Variants in TXNRD1 observed in about 807,000 individuals in gnomAD.
TXNRD1 encodes thioredoxin reductase 1.
TXNRD1 carries 57 observed loss-of-function variants against 80.3 expected under a neutral mutation model. That is an observed-to-expected ratio of 0.71 (90% confidence interval 0.57 to 0.89). The LOEUF (loss-of-function observed/expected upper bound fraction) is 0.89, where lower values mean the gene tolerates loss of function less well. TXNRD1 is among the 40% of genes least tolerant of loss of function. The probability of loss-of-function intolerance (pLI) is 0.00; values close to 1 mark genes in which losing one functional copy is unlikely to be tolerated. For missense variants in TXNRD1, 730 were observed against 803.0 expected (o/e 0.91, Z 1.10); for synonymous variants, 291 against 285.2 (o/e 1.02, Z -0.20).
At chr12:104,347,916 T>C (rs2036545076) in intron 16 of TXNRD1, among the ~76,000 whole-genome samples, 1 of 151,530 alleles carries the variant, frequency 6.6e-6, no homozygotes, top group African/African-American at 2.4e-5. Flanking sequence ...ACAAGAGAAA[T>C]GCAGGAAGAA....
At chr12:104,338,996 G>A (rs1419736979) in intron 15 of TXNRD1, 143 bp from the exon 16 acceptor site, 20 of 1,090,570 alleles carry the variant, frequency 1.8e-5, no homozygotes, top group South Asian at 9.5e-5. Flanking sequence ...GATTACAGGC[G>A]TGAGCCACTG....
chr12:104,233,265 G>T (rs2032663242), intron 1 of TXNRD1, among the ~76,000 whole-genome samples: 1 of 152,152 alleles, frequency 6.6e-6, no homozygotes, highest in Admixed American at 6.5e-5. Context: ...GTTTTTAAAA[G>T]AAACTATTAT....
At chr12:104,318,727 G>T (rs1339338896) in intron 7 of TXNRD1, among the ~76,000 whole-genome samples, 186 bp from the exon 8 acceptor site, 1 of 152,184 alleles carries the variant, frequency 6.6e-6, no homozygotes, top group Non-Finnish European at 1.5e-5. Context: ...TTATTTAATT[G>T]TATTAGTCTT....
chr12:104,295,611 C>T (rs1475386114), intron 4 of TXNRD1, among the ~76,000 whole-genome samples: 1 of 152,160 alleles, frequency 6.6e-6, no homozygotes, highest in African/African-American at 2.4e-5. Context: ...ATATTTCTCC[C>T]TACAGTTTTC....
chr12:104,305,295 A>G (rs1435134786), intron 4 of TXNRD1: 1 of 161,126 alleles, frequency 6.2e-6, no homozygotes, highest in Admixed American at 6.4e-5. Context: ...TGTCATAGGG[A>G]ACCAAGAGAA....
chr12:104,245,517 CAAAAA>C (rs10622971), intron 1 of TXNRD1, among the ~76,000 whole-genome samples: 9 of 29,262 alleles, frequency 3.1e-4, no homozygotes, highest in East Asian at 1.7e-3. Flanking sequence ...AACTCCATCT[CAAAAA>C]AAAAAAAAAA....
At chr12:104,220,539 C>G (rs1342073272) in intron 1 of TXNRD1, among the ~76,000 whole-genome samples, 2 of 152,060 alleles carry the variant, frequency 1.3e-5, no homozygotes, top group African/African-American at 4.8e-5. Flanking sequence ...GTCTGGCCAA[C>G]ATGGTGAAAC....
chr12:104,286,917 G>A (rs1368215448), intron 3 of TXNRD1: 12 of 1,165,160 alleles, frequency 1.0e-5, no homozygotes, highest in East Asian at 5.7e-5. Context: ...GGCTGCACGA[G>A]GAGTGGATTT....
chr12:104,281,161 T>G (rs2033868077), intron 3 of TXNRD1, among the ~76,000 whole-genome samples: 1 of 152,164 alleles, frequency 6.6e-6, no homozygotes, highest in East Asian at 1.9e-4. Context: ...GTGTTCCTGC[T>G]TTTCATTGAA....
chr12:104,326,281 A>G, intron 11 of TXNRD1, 66 bp from the exon 12 acceptor site: 1 of 1,107,630 alleles, frequency 9.0e-7, no homozygotes, highest in South Asian at 1.5e-5. Context: ...GCAGAGAAAA[A>G]TATGATTAGG....
chr12:104,316,046 C>G, intron 7 of TXNRD1, 150 bp downstream of exon 7: 1 of 815,176 alleles, frequency 1.2e-6, no homozygotes, highest in Non-Finnish European at 1.8e-6. Context: ...CTGGAGTTAT[C>G]CTTTGTCAAG....
intron 1 of TXNRD1, among the ~76,000 whole-genome samples, chr12:104,246,734 G>T (rs1050336365): frequency 2.0e-5 from 3 of 151,770 alleles, no homozygotes; most frequent in African/African-American, 7.3e-5. Context: ...TGTTGACCAG[G>T]ATGGTCTCGA....
chr12:104,344,909 G>C (rs1051682872), intron 16 of TXNRD1, among the ~76,000 whole-genome samples: 1 of 152,292 alleles, frequency 6.6e-6, no homozygotes, highest in South Asian at 2.1e-4. Context: ...TCTTTTAGGG[G>C]TTCATAGGAG....
chr12:104,325,305 T>C, intron 10 of TXNRD1, 32 bp from the exon 11 acceptor site: 1 of 1,534,390 alleles, frequency 6.5e-7, no homozygotes, highest in East Asian at 2.3e-5. Flanking sequence ...TAAATGTCTT[T>C]ATTTCACAGT....
intron 15 of TXNRD1, among the ~76,000 whole-genome samples, chr12:104,338,858 A>T (rs760747536): frequency 2.0e-5 from 3 of 151,918 alleles, no homozygotes; most frequent in Non-Finnish European, 4.4e-5. Flanking sequence ...CTGGAACTAC[A>T]GGCACCCGCC....
At chr12:104,250,330 C>T (rs1276777660) in intron 1 of TXNRD1, among the ~76,000 whole-genome samples, 1 of 152,052 alleles carries the variant, frequency 6.6e-6, no homozygotes, top group Non-Finnish European at 1.5e-5. Flanking sequence ...ATCCTTGTGA[C>T]TTTGGAATAG....
chr12:104,279,365 A>G (rs1212938164), intron 3 of TXNRD1, among the ~76,000 whole-genome samples: 1 of 152,216 alleles, frequency 6.6e-6, no homozygotes, highest in Non-Finnish European at 1.5e-5. Context: ...TGGTTTTCCC[A>G]AGGAAAACCT....
intron 1 of TXNRD1, among the ~76,000 whole-genome samples, chr12:104,224,108 G>GT (rs1200284596): frequency 1.3e-5 from 2 of 152,064 alleles, no homozygotes; most frequent in Admixed American, 6.6e-5. Flanking sequence ...TGTGGCACAA[G>GT]TTTTTTTTCC....
intron 1 of TXNRD1, among the ~76,000 whole-genome samples, chr12:104,248,493 C>T (rs1373470760): frequency 1.3e-5 from 2 of 152,130 alleles, no homozygotes; most frequent in Non-Finnish European, 2.9e-5. Context: ...CCATGTTGGT[C>T]GGGCTGGTCT....
Sources: allele counts gnomAD v4.1 joint callset (sites outside exome capture counted in the v4.1 genomes callset), GRCh38; gene constraint gnomAD v4.1.1; transcripts MANE v1.5; gene names NCBI Gene and HGNC (gene_info 2026-07-23, HGNC 2026-07-21).